Variants in UNC13B observed in about 807,000 individuals in gnomAD.
The protein encoded by UNC13B is protein unc-13 homolog B.
Under a neutral mutation model 211.0 loss-of-function variants are expected in UNC13B, and 144 were observed. The observed-to-expected ratio is 0.68, with a 90% CI of 0.60 to 0.78. The LOEUF is 0.78. UNC13B is among the 30% of genes least tolerant of loss of function. The probability of loss-of-function intolerance (pLI) is 0.00; values close to 1 mark genes in which losing one functional copy is unlikely to be tolerated. For missense variants in UNC13B, 1,777 were observed against 2,002.0 expected (o/e 0.89, Z 2.14); for synonymous variants, 709 against 725.8 (o/e 0.98, Z 0.37).
chr9:35,276,008 A>G (rs1338491075), intron 7 of UNC13B, among the ~76,000 whole-genome samples: 1 of 152,110 alleles, frequency 6.6e-6, no homozygotes, highest in Non-Finnish European at 1.5e-5. Flanking sequence ...CTAAGGATTT[A>G]TTTAAAAGCC....
chr9:35,265,803 A>G (rs941712442), intron 7 of UNC13B, among the ~76,000 whole-genome samples: 1 of 152,098 alleles, frequency 6.6e-6, no homozygotes, highest in Non-Finnish European at 1.5e-5. Context: ...TATTAAGAAA[A>G]GTAATTGAGT....
At chr9:35,279,568 G>A (rs1485632114) in intron 7 of UNC13B, among the ~76,000 whole-genome samples, 1 of 152,062 alleles carries the variant, frequency 6.6e-6, no homozygotes, top group Admixed American at 6.6e-5. Flanking sequence ...GATTAGAATG[G>A]CTATTAATGT....
At chr9:35,395,935 A>T (rs756207287) in intron 26 of UNC13B, among the ~76,000 whole-genome samples, 4 of 152,132 alleles carry the variant, frequency 2.6e-5, no homozygotes, top group Non-Finnish European at 4.4e-5. Flanking sequence ...TTGCCTCAAG[A>T]TTCCATTACA....
intron 38 of UNC13B, 80 bp from the exon 39 acceptor site, chr9:35,403,360 C>T (rs770570861): frequency 1.2e-5 from 20 of 1,603,552 alleles, no homozygotes; most frequent in South Asian, 2.2e-5. Flanking sequence ...CTCAGCCCTC[C>T]TCCAAGGGGA....
intron 11 of UNC13B, among the ~76,000 whole-genome samples, chr9:35,331,510 G>A (rs897642922): frequency 6.6e-6 from 1 of 152,166 alleles, no homozygotes; most frequent in Admixed American, 6.5e-5. Context: ...GCCTCCTAAA[G>A]TGCTGGTATT....
chr9:35,167,669 C>T (rs1821111348), intron 1 of UNC13B, among the ~76,000 whole-genome samples: 2 of 145,298 alleles, frequency 1.4e-5, no homozygotes, highest in African/African-American at 5.1e-5. Flanking sequence ...CTCACTGCAA[C>T]CTCTGCCTCC....
intron 11 of UNC13B, among the ~76,000 whole-genome samples, chr9:35,362,547 C>T (rs1587700093): frequency 6.6e-6 from 1 of 152,120 alleles, no homozygotes; most frequent in African/African-American, 2.4e-5. Context: ...TGGTGGCTCA[C>T]GCCTGTAATC....
Position 35,404,342 on chromosome 9 carries a change from T to C in UNC13B, c.*309T>C. On this transcript the variant is annotated 3_prime_UTR_variant, in exon 40 of 40. Transcript: ENST00000635942. ...CCATTCTTGGTAGACACCTCTCCAC[T>C]CCTCATCCCACCTCTACCCATCTCC... 1 of 392,954 alleles carries C rather than the reference T, an allele frequency of 2.5e-6. No homozygotes were observed. Among genetic ancestry groups the C allele is most frequent in the South Asian group, 3.2e-5 (1 of 31,716 alleles). The allele number at this position is 392,954 out of a possible 1,614,324, so 24.3% of individuals were successfully genotyped here. A position where few individuals can be genotyped will look rare whatever the true frequency, so the allele number is the denominator to read the frequency against.
intron 11 of UNC13B, among the ~76,000 whole-genome samples, chr9:35,357,121 A>G (rs548576381): frequency 6.6e-6 from 1 of 152,348 alleles, no homozygotes; most frequent in South Asian, 2.1e-4. Context: ...TTGCTGGGTC[A>G]TATGGTAATT....
rs575690144 is a variant in UNC13B at position 35,296,790 on chromosome 9, G to T, written c.761+860G>T. On this transcript the variant is annotated intron_variant, in intron 8 of 39. Coordinates refer to ENST00000635942, the MANE Select transcript of UNC13B (RefSeq NM_001371189.2). ...CACTTAAAAATAAGTTGCAGATATT[G>T]TGTTACTTCATCAGAAAGTATTTCA... Among the ~76,000 whole-genome samples, 19 of 152,168 alleles carry T rather than the reference G, an allele frequency of 1.2e-4. No homozygotes were observed. In the East Asian group the frequency reaches 3.7e-3, roughly 29 times the overall value.
intron 1 of UNC13B, among the ~76,000 whole-genome samples, chr9:35,189,976 G>T (rs987830042): frequency 1.3e-5 from 2 of 152,166 alleles, no homozygotes; most frequent in African/African-American, 2.4e-5. Context: ...CGACCTGCCA[G>T]TTTCTTAATT....
chr9:35,362,827 C>A (rs1833517292), intron 11 of UNC13B, among the ~76,000 whole-genome samples: 2 of 150,646 alleles, frequency 1.3e-5, no homozygotes, highest in African/African-American at 4.9e-5. Flanking sequence ...AAATCTGCAT[C>A]TATTTGCTCT....
chr9:35,368,259 T>C (rs1833900488), intron 12 of UNC13B, among the ~76,000 whole-genome samples: 1 of 152,196 alleles, frequency 6.6e-6, no homozygotes, highest in Non-Finnish European at 1.5e-5. Flanking sequence ...CCTCTTTGTG[T>C]CCATGTGTTC....
At chr9:35,253,307 A>G (rs1028170912) in intron 6 of UNC13B, among the ~76,000 whole-genome samples, 7 of 151,984 alleles carry the variant, frequency 4.6e-5, no homozygotes, top group African/African-American at 1.5e-4. Flanking sequence ...GCACCTAGCT[A>G]GTTTTTAATT....
chr9:35,294,448 A>G (rs1471975843), intron 7 of UNC13B, among the ~76,000 whole-genome samples: 1 of 152,108 alleles, frequency 6.6e-6, no homozygotes, highest in East Asian at 1.9e-4. Flanking sequence ...CTAGGATTAC[A>G]GGCATCTGCC....
At chr9:35,327,686 C>CAGAA (rs1831097182) in intron 11 of UNC13B, among the ~76,000 whole-genome samples, 1 of 152,160 alleles carries the variant, frequency 6.6e-6, no homozygotes, top group African/African-American at 2.4e-5. Flanking sequence ...TCACAACACC[C>CAGAA]AGAAACAATA....
Position 35,228,011 on chromosome 9 carries a change from G to C in UNC13B, c.23-4G>C, listed in dbSNP as rs1421067279. 1 of 1,610,224 alleles carries C rather than the reference G, an allele frequency of 6.2e-7. No individual in the cohort carries two copies. Among genetic ancestry groups the C allele is most frequent in the Non-Finnish European group, 8.5e-7 (1 of 1,178,522 alleles). On this transcript the variant is annotated splice_polypyrimidine_tract_variant and splice_region_variant and intron_variant, in intron 1 of 39. Coordinates refer to ENST00000635942, the MANE Select transcript of UNC13B (RefSeq NM_001371189.2). ...TTCATGGTATCCTCTTTTTTCTCTT[G>C]CAGTTAAAAGGGCCAAATTCCAGGG... is the stretch of plus-strand genomic sequence containing the variant.
Position 35,304,757 on chromosome 9 carries a change from C to A in UNC13B, c.5353C>A (p.Gln1785Lys), listed in dbSNP as rs1009084386. 2.5e-6 allele frequency: 1 copy of A among 398,874 alleles called. No homozygotes were observed. 24.7% of individuals were successfully genotyped at this position (398,874 alleles called of 1,614,324 possible). The change falls in exon 9 of 40, where the codon CAG becomes AAG. Residue 1785 changes from glutamine (Q) to lysine (K), a missense_variant. Physicochemically the swap from Gln to Lys is moderately conservative, Grantham distance 53. Coordinates refer to ENST00000635942, the MANE Select transcript of UNC13B (RefSeq NM_001371189.2). ...TTTGGCCATGCAGAAAGTGAATCAGCAGTCAGATTTAGCAGAGCTCACAAA... is the reference window on the plus strand; with the variant it reads ...TTTGGCCATGCAGAAAGTGAATCAGAAGTCAGATTTAGCAGAGCTCACAAA... ...EALAMQKVNQ[Q>K]SDLAELTNDG...
At chr9:35,324,117 G>C (rs1214391960) in intron 11 of UNC13B, among the ~76,000 whole-genome samples, 1 of 152,150 alleles carries the variant, frequency 6.6e-6, no homozygotes, top group Non-Finnish European at 1.5e-5. Context: ...ATAGAAACTT[G>C]TTCAGGATCA....
Sources: gnomAD v4.1 joint callset for allele counts (sites outside exome capture counted in the v4.1 genomes callset) on GRCh38, gnomAD v4.1.1 for gene constraint, MANE v1.5 for transcripts, NCBI Gene and HGNC (gene_info 2026-07-23, HGNC 2026-07-21) for gene names.